The following MARCHF1 variants were observed in gnomAD, a reference collection of about 807,000 sequenced individuals.
MARCHF1 encodes E3 ubiquitin-protein ligase MARCHF1.
A neutral mutation model predicts 54.2 loss-of-function variants in MARCHF1; 40 were observed. The ratio of observed to expected loss-of-function variants is 0.74; its 90% CI spans 0.57 to 0.96. The LOEUF (loss-of-function observed/expected upper bound fraction) is 0.96. Ranked by LOEUF, MARCHF1 falls within the 40% of genes least tolerant of loss-of-function variation. MARCHF1 has a pLI of 0.00. For missense variants in MARCHF1, 586 were observed against 656.5 expected (o/e 0.89, Z 1.17); for synonymous variants, 236 against 236.3 (o/e 1.00, Z 0.01).
chr4:163,646,161 G>A (rs919510217), intron 5 of MARCHF1, among the ~76,000 whole-genome samples: 4 of 152,060 alleles, frequency 2.6e-5, no homozygotes, highest in Non-Finnish European at 2.9e-5. Flanking sequence ...GGGAACCTCC[G>A]TTAGGTTATC....
chr4:164,187,866 G>A (rs1454309840), intron 1 of MARCHF1, among the ~76,000 whole-genome samples: 1 of 152,038 alleles, frequency 6.6e-6, no homozygotes, highest in African/African-American at 2.4e-5. Context: ...AGCTTGTTTT[G>A]CATGTCACTT....
intron 3 of MARCHF1, among the ~76,000 whole-genome samples, chr4:163,903,769 C>T (rs61480082): frequency 1.6e-3 from 240 of 152,076 alleles, no homozygotes; most frequent in African/African-American, 5.3e-3. Flanking sequence ...TGCACCACCA[C>T]GCCAGCTAAT....
intron 4 of MARCHF1, among the ~76,000 whole-genome samples, chr4:163,818,368 G>T (rs990169051): frequency 6.6e-6 from 1 of 151,874 alleles, no homozygotes; most frequent in Non-Finnish European, 1.5e-5. Context: ...CATCACCTAG[G>T]TATTAACCCC....
intron 7 of MARCHF1, among the ~76,000 whole-genome samples, chr4:163,601,389 AAG>A (rs1740959444): frequency 9.4e-6 from 1 of 106,586 alleles, no homozygotes; most frequent in African/African-American, 2.9e-5. Flanking sequence ...TGAGAAAAGA[AAG>A]AAAGTGTTGC....
intron 1 of MARCHF1, among the ~76,000 whole-genome samples, chr4:164,123,373 C>A (rs1756111686): frequency 6.6e-6 from 1 of 151,960 alleles, no homozygotes; most frequent in Non-Finnish European, 1.5e-5. Flanking sequence ...GTTAAAATAC[C>A]CATACTACCG....
intron 1 of MARCHF1, among the ~76,000 whole-genome samples, chr4:164,206,839 T>A (rs1731619851): frequency 6.6e-6 from 1 of 152,124 alleles, no homozygotes; most frequent in African/African-American, 2.4e-5. Flanking sequence ...TTAATAATTT[T>A]ATTTAATAAT....
At chr4:163,770,088 A>ATTTTT in intron 4 of MARCHF1, among the ~76,000 whole-genome samples, 1 of 151,936 alleles carries the variant, frequency 6.6e-6, no homozygotes, top group African/African-American at 2.4e-5. Flanking sequence ...TCTCTAGCTT[A>ATTTTT]TTTTAAGAAT....
At chr4:164,259,544 C>G (rs961535300) in intron 1 of MARCHF1, among the ~76,000 whole-genome samples, 2 of 58,960 alleles carry the variant, frequency 3.4e-5, no homozygotes, top group Non-Finnish European at 6.7e-5. Context: ...GACCGTGTCT[C>G]AAAAAAAAAA....
intron 1 of MARCHF1, among the ~76,000 whole-genome samples, chr4:164,274,974 C>A (rs1359989929): frequency 6.6e-6 from 1 of 151,084 alleles, no homozygotes; most frequent in Admixed American, 6.6e-5. Flanking sequence ...CCACGCCCGG[C>A]CAGGGTACAC....
At chr4:163,827,064 A>G (rs1226618723) in intron 4 of MARCHF1, among the ~76,000 whole-genome samples, 5 of 148,224 alleles carry the variant, frequency 3.4e-5, no homozygotes, top group East Asian at 2.0e-4. Context: ...ACCTTTGCAT[A>G]TACCAGCAGT....
At chr4:163,909,127 C>T (rs1365364166) in intron 3 of MARCHF1, among the ~76,000 whole-genome samples, 1 of 152,064 alleles carries the variant, frequency 6.6e-6, no homozygotes, top group Non-Finnish European at 1.5e-5. Context: ...TTAATTGATA[C>T]ACTGGAGTAT....
chr4:163,608,652 G>A (rs1279742796), intron 7 of MARCHF1, among the ~76,000 whole-genome samples: 2 of 152,008 alleles, frequency 1.3e-5, no homozygotes, highest in Non-Finnish European at 2.9e-5. Context: ...TTCCCTCTAA[G>A]GTATAATAGG....
intron 1 of MARCHF1, among the ~76,000 whole-genome samples, chr4:164,308,835 A>G (rs924451066): frequency 6.6e-6 from 1 of 152,038 alleles, no homozygotes; most frequent in African/African-American, 2.4e-5. Flanking sequence ...AGAAAAGCAG[A>G]AAAAAATAAC....
At chr4:164,048,967 C>G (rs1256173234) in intron 2 of MARCHF1, among the ~76,000 whole-genome samples, 1 of 152,058 alleles carries the variant, frequency 6.6e-6, no homozygotes, top group Non-Finnish European at 1.5e-5. Context: ...AATAACTATG[C>G]TGATTATTAG....
At position 163,525,782 on chromosome 4, in the gene MARCHF1, G is replaced by GTT. The variant is rs1253484082; in HGVS notation, c.*2964_*2965dup. 1.3e-5 allele frequency: 2 copies of GTT among 151,892 alleles called. No homozygotes were observed. Among genetic ancestry groups the GTT allele is most frequent in the Admixed American group, 6.6e-5 (1 of 15,226 alleles). 9.4% of individuals were successfully genotyped at this position (151,892 alleles called of 1,614,324 possible). ...CTCAAAATTTGCATTCCGTAGAGCA[G>GTT]TTTTTCTTTTTGAAGGGTATAGTCA... On this transcript the variant is annotated 3_prime_UTR_variant, in exon 10 of 10. Coordinates refer to ENST00000514618, the MANE Select transcript of MARCHF1 (RefSeq NM_001394959.1).
intron 1 of MARCHF1, among the ~76,000 whole-genome samples, chr4:164,248,740 A>C (rs544970732): frequency 6.6e-5 from 10 of 151,994 alleles, no homozygotes; most frequent in African/African-American, 2.4e-4. Flanking sequence ...ACAATTGTTA[A>C]AAAAATATAT....
intron 8 of MARCHF1, among the ~76,000 whole-genome samples, chr4:163,582,083 A>G (rs1740250599): frequency 6.6e-6 from 1 of 152,206 alleles, no homozygotes; most frequent in Admixed American, 6.5e-5. Context: ...CCCAGTCAGG[A>G]GTAACTCAGA....
At chr4:163,709,792 T>A (rs1745053350) in intron 4 of MARCHF1, among the ~76,000 whole-genome samples, 1 of 152,242 alleles carries the variant, frequency 6.6e-6, no homozygotes, top group East Asian at 1.9e-4. Flanking sequence ...TCTCTACCTC[T>A]AAATTGCTGA....
At chr4:163,546,819 T>A (rs1476273647) in intron 8 of MARCHF1, among the ~76,000 whole-genome samples, 1 of 152,226 alleles carries the variant, frequency 6.6e-6, no homozygotes, top group Non-Finnish European at 1.5e-5. Flanking sequence ...ATGGTCTCCA[T>A]AAGGGAATAT....
Sources: allele counts gnomAD v4.1 joint callset (sites outside exome capture counted in the v4.1 genomes callset), GRCh38; gene constraint gnomAD v4.1.1; transcripts MANE v1.5; gene names NCBI Gene and HGNC (gene_info 2026-07-23, HGNC 2026-07-21).